The following RMDN1 variants were observed in gnomAD, a reference collection of about 807,000 sequenced individuals.
RMDN1 encodes the protein regulator of microtubule dynamics protein 1.
Under a neutral mutation model 48.9 loss-of-function variants are expected in RMDN1, and 48 were observed. That is an observed-to-expected ratio of 0.98 (90% CI 0.78 to 1.25). RMDN1 has a LOEUF of 1.25. Ranked by LOEUF, RMDN1 falls within the 50% of genes most tolerant of loss-of-function variation. The pLI is 0.00. For missense variants in RMDN1, 418 were observed against 373.4 expected, an observed-to-expected ratio of 1.12 and a Z score of -0.98; for synonymous variants, 148 against 132.6, an observed-to-expected ratio of 1.12 and a Z score of -0.80.
At chr8:86,482,017 G>T (rs990330022) in intron 5 of RMDN1, 1 of 806,060 alleles carries the variant, frequency 1.2e-6, no homozygotes, top group Non-Finnish European at 2.1e-6. Flanking sequence ...ATACGAAGTT[G>T]TTCTGTCTTT....
intron 6 of RMDN1, among the ~76,000 whole-genome samples, chr8:86,479,559 T>C (rs947387821): frequency 1.3e-5 from 2 of 152,174 alleles, no homozygotes; most frequent in African/African-American, 2.4e-5. Context: ...AAGGCAGAAA[T>C]TGCTATTTCA....
At chr8:86,481,114 A>G (rs1563597077) in intron 5 of RMDN1, among the ~76,000 whole-genome samples, 1 of 152,198 alleles carries the variant, frequency 6.6e-6, no homozygotes, top group Non-Finnish European at 1.5e-5. Context: ...ATGCTTTTCT[A>G]TAAACCCACA....
At position 86,508,550 on chromosome 8, in the gene RMDN1, G is replaced by A. The variant is rs200923808; in HGVS notation, c.71C>T (p.Pro24Leu). 82 of 1,593,356 alleles carry A rather than the reference G, an allele frequency of 5.1e-5. No individual in the cohort carries two copies. The East Asian group carries it at 1.8e-3, about 35-fold the overall frequency. Residue 24 changes from proline to leucine, a missense_variant, in exon 1 of 10, where the codon CCT becomes CTT. Coordinates refer to ENST00000406452, the MANE Select transcript of RMDN1 (RefSeq NM_016033.3). ...RRGAAPGSRL[P>L]AGTSGSRGHC... The stretch of plus-strand genomic sequence containing the variant: ...CCCGCGGCTGCCCGAAGTCCCCGCA[G>A]GGAGACGAGACCCCGGGGCGGCTCC...
Position 86,503,390 on chromosome 8 carries a change from CA to C in RMDN1, c.247+3604del, listed in dbSNP as rs1405705068. 1.8e-3 allele frequency among the ~76,000 whole-genome samples: 101 copies of C among 56,616 alleles called. 5 individuals carry two copies. The South Asian group carries it at 0.043, about 24-fold the overall frequency. The allele number at this position is 56,616 out of a possible 152,430, so 37.1% of individuals were successfully genotyped here. A position where few individuals can be genotyped will look rare whatever the true frequency, so the allele number is the denominator to read the frequency against. On this transcript the variant is annotated intron_variant, in intron 2 of 9. Coordinates refer to ENST00000406452, the MANE Select transcript of RMDN1 (RefSeq NM_016033.3). ...ACAAAACAAAAAAAAAAAAAAAAAA[CA>C]AAAAAAAATAACAAAAATAACTTGA...
At chr8:86,472,076 T>G (rs1418704082), downstream of RMDN1, among the ~76,000 whole-genome samples, 1 of 152,196 alleles carries the variant, frequency 6.6e-6, no homozygotes, top group African/African-American at 2.4e-5. Flanking sequence ...GGTTTTGTGT[T>G]TGTTTAGGAA....
intron 2 of RMDN1, among the ~76,000 whole-genome samples, chr8:86,497,245 G>C (rs933387927): frequency 6.6e-6 from 1 of 152,090 alleles, no homozygotes. Flanking sequence ...AGAAACAAGA[G>C]CAAACCAAAT....
At chr8:86,486,407 T>A (rs1416292343) in intron 4 of RMDN1, 77 bp downstream of exon 4, 2 of 1,033,308 alleles carry the variant, frequency 1.9e-6, no homozygotes, top group African/African-American at 1.6e-5. Flanking sequence ...GTTCTTCCAA[T>A]GTAAATCAGA....
chr8:86,470,281 C>CAAGA, downstream of RMDN1: 1 of 1,289,314 alleles, frequency 7.8e-7, no homozygotes, highest in Non-Finnish European at 1.0e-6. Flanking sequence ...GGAATCCACA[C>CAAGA]AAGAACAATC....
At position 86,504,904 on chromosome 8, in the gene RMDN1, T is replaced by C. The variant is rs558716759; in HGVS notation, c.247+2091A>G. The C allele has an allele frequency of 1.5e-3, 1,737 of 1,134,762 alleles. 4 individuals are homozygous for C. The highest frequency in any genetic ancestry group is 2.2e-3 in the Non-Finnish European group (1,611 of 746,454). The allele number at this position is 1,134,762 out of a possible 1,614,324, so 70.3% of individuals were successfully genotyped here. On this transcript the variant is annotated intron_variant, in intron 2 of 9. Transcript: ENST00000406452. The stretch of plus-strand genomic sequence containing the variant: ...TTCGCCAGCTTCCTCATCACCTTCT[T>C]GACCTTTACCTTCTTCAAAGTCCCT...
chr8:86,487,355 G>T (rs1323401600), intron 3 of RMDN1, among the ~76,000 whole-genome samples: 1 of 152,170 alleles, frequency 6.6e-6, no homozygotes, highest in Non-Finnish European at 1.5e-5. Context: ...TGTAATCCCA[G>T]GACTTTGGGA....
downstream of RMDN1, chr8:86,472,330 T>C (rs909402687): frequency 4.4e-6 from 3 of 676,326 alleles, no homozygotes; most frequent in Non-Finnish European, 8.0e-6. Context: ...TGACCTCACA[T>C]AACAGGTCAC....
At chr8:86,469,187 C>G (rs56365416), downstream of RMDN1, among the ~76,000 whole-genome samples, 2 of 150,742 alleles carry the variant, frequency 1.3e-5, no homozygotes, top group African/African-American at 4.9e-5. Context: ...TTTGTCCCGC[C>G]CCCCCCATGT....
chr8:86,501,225 GA>G lies in RMDN1; in HGVS notation c.247+5769del, dbSNP rs376051474. ...TAAAAGTTGGAAAAAAAATAAACAA[GA>G]AAAAAATGGACTATGATAAAGCCAA... On this transcript the variant is annotated intron_variant, in intron 2 of 9. Coordinates refer to ENST00000406452, the MANE Select transcript of RMDN1 (RefSeq NM_016033.3). Among the ~76,000 whole-genome samples, 39 of 152,062 alleles carry G rather than the reference GA, an allele frequency of 2.6e-4. No individual in the cohort carries two copies. In the East Asian group the frequency reaches 6.4e-3, roughly 25 times the overall value.
chr8:86,504,642 T>C, intron 2 of RMDN1: 2 of 891,830 alleles, frequency 2.2e-6, no homozygotes, highest in Non-Finnish European at 3.8e-6. Flanking sequence ...CTGTTTGTTA[T>C]TAAAGGATGA....
At chr8:86,470,488 A>G, downstream of RMDN1, 1 of 1,155,204 alleles carries the variant, frequency 8.7e-7, no homozygotes, top group Non-Finnish European at 1.1e-6. Context: ...GAAGAAACCT[A>G]ACCCTCAGAG....
intron 5 of RMDN1, chr8:86,481,678 T>C (rs944975152): frequency 3.5e-5 from 15 of 430,158 alleles, no homozygotes; most frequent in South Asian, 7.3e-5. Flanking sequence ...GGTTCCAAAT[T>C]TGGATTCTTG....
chr8:86,491,951 A>G (rs1816574011), intron 2 of RMDN1, among the ~76,000 whole-genome samples: 1 of 152,186 alleles, frequency 6.6e-6, no homozygotes, highest in Non-Finnish European at 1.5e-5. Context: ...TCTAGATTCA[A>G]GCCCCTAAGT....
At chr8:86,478,401 G>A (rs938153597) in intron 7 of RMDN1, 2 of 152,270 alleles carry the variant, frequency 1.3e-5, no homozygotes, top group Admixed American at 1.3e-4. Context: ...CTTGTGATGA[G>A]TAAACCCAAA....
At position 86,474,968 on chromosome 8, in the gene RMDN1, G is replaced by A. The variant is rs1037505564; in HGVS notation, c.761-15C>T. The A allele has an allele frequency of 2.5e-6, 4 of 1,575,184 alleles. No homozygotes were observed. Among genetic ancestry groups the A allele is most frequent in the Admixed American group, 2.0e-5 (1 of 48,846 alleles). ...GTTTGGATCCACTGCACATAAGAAA[G>A]AAAAAATGATCTCAGAGGAAACAGT... On this transcript the variant is annotated splice_polypyrimidine_tract_variant and intron_variant, in intron 8 of 9. Coordinates refer to ENST00000406452, the MANE Select transcript of RMDN1 (RefSeq NM_016033.3).
Sources: allele counts gnomAD v4.1 joint callset (sites outside exome capture counted in the v4.1 genomes callset), GRCh38; gene constraint gnomAD v4.1.1; transcripts MANE v1.5; gene names NCBI Gene and HGNC (gene_info 2026-07-23, HGNC 2026-07-21).